The following ROBO1 variants were observed in gnomAD, a reference collection of about 807,000 sequenced individuals.
ROBO1 encodes roundabout homolog 1.
ROBO1 carries 149 observed loss-of-function variants against 195.9 expected under a neutral mutation model. That is an observed-to-expected ratio of 0.76 (90% CI 0.67 to 0.87). The LOEUF (loss-of-function observed/expected upper bound fraction) is 0.87, where lower values mean the gene tolerates loss of function less well. Ranked by LOEUF, ROBO1 falls within the 40% of genes least tolerant of loss-of-function variation. The probability of loss-of-function intolerance (pLI) is 0.00; values close to 1 mark genes in which losing one functional copy is unlikely to be tolerated. For synonymous variants in ROBO1, 816 were observed against 733.2 expected, an observed-to-expected ratio of 1.11 and a Z score of -1.82; for missense variants, 1,933 against 2,068.3, an observed-to-expected ratio of 0.93 and a Z score of 1.27.
At chr3:79,336,461 G>C (rs2034671226) in intron 2 of ROBO1, among the ~76,000 whole-genome samples, 1 of 152,230 alleles carries the variant, frequency 6.6e-6, no homozygotes, top group African/African-American at 2.4e-5. Context: ...CAAACCCCAA[G>C]CCTTGGCAGC....
intron 2 of ROBO1, among the ~76,000 whole-genome samples, chr3:79,475,024 A>G (rs1196011043): frequency 6.6e-6 from 1 of 152,020 alleles, no homozygotes; most frequent in Non-Finnish European, 1.5e-5. Flanking sequence ...CTTATATTTG[A>G]CATCTGAAAT....
intron 1 of ROBO1, among the ~76,000 whole-genome samples, chr3:79,704,139 A>C (rs1947698976): frequency 6.6e-6 from 1 of 151,976 alleles, no homozygotes; most frequent in South Asian, 2.1e-4. Context: ...CCCACTGTAC[A>C]CAGGCATAGC....
At chr3:78,769,005 A>G (rs1044255423) in intron 4 of ROBO1, among the ~76,000 whole-genome samples, 1 of 151,992 alleles carries the variant, frequency 6.6e-6, no homozygotes. Flanking sequence ...GTCTTGGAGA[A>G]TGTTCCATGG....
intron 2 of ROBO1, among the ~76,000 whole-genome samples, chr3:79,243,268 A>C (rs2082556745): frequency 6.6e-6 from 1 of 151,952 alleles, no homozygotes; most frequent in South Asian, 2.1e-4. Flanking sequence ...AGTCTTTGCT[A>C]TTGTGAATAG....
At chr3:79,095,821 T>G (rs2079556594) in intron 3 of ROBO1, among the ~76,000 whole-genome samples, 1 of 152,016 alleles carries the variant, frequency 6.6e-6, no homozygotes, top group Non-Finnish European at 1.5e-5. Context: ...AAATACCACA[T>G]TTTTTCACTT....
chr3:79,519,470 A>T (rs1386828250), intron 2 of ROBO1, among the ~76,000 whole-genome samples: 5 of 151,708 alleles, frequency 3.3e-5, no homozygotes, highest in Non-Finnish European at 7.4e-5. Context: ...CTCTACTAAA[A>T]TACAAAAAAT....
intron 2 of ROBO1, among the ~76,000 whole-genome samples, chr3:79,248,891 G>A (rs1477056837): frequency 6.6e-6 from 1 of 152,122 alleles, no homozygotes; most frequent in Non-Finnish European, 1.5e-5. Context: ...TCCATTCACT[G>A]AGGGTGCAAA....
chr3:79,494,618 C>T (rs1048636621), intron 2 of ROBO1, among the ~76,000 whole-genome samples: 1 of 151,792 alleles, frequency 6.6e-6, no homozygotes, highest in Non-Finnish European at 1.5e-5. Flanking sequence ...CCACATAAAA[C>T]AAATTCAAAA....
chr3:79,417,528 G>A (rs1156847282), intron 2 of ROBO1, among the ~76,000 whole-genome samples: 1 of 152,106 alleles, frequency 6.6e-6, no homozygotes, highest in African/African-American at 2.4e-5. Flanking sequence ...GTTTAAAGCT[G>A]CTGAACTTTG....
At chr3:79,125,908 T>A (rs1259444179) in intron 2 of ROBO1, among the ~76,000 whole-genome samples, 1 of 152,046 alleles carries the variant, frequency 6.6e-6, no homozygotes, top group African/African-American at 2.4e-5. Context: ...ATTGCTAATT[T>A]TCTACCTTAT....
chr3:79,760,236 CAAAAAAAAAAAAAAAAAAAAAA>C (rs11451206), intron 1 of ROBO1, among the ~76,000 whole-genome samples: 74 of 4,528 alleles, frequency 0.016, 6 homozygotes, highest in African/African-American at 0.044. Context: ...GACCCTATCT[CAAAAAAAAAAAAAAAAAAAAAA>C]AAAAAAAAAA....
chr3:78,960,582 C>A (rs2041282569), intron 3 of ROBO1, among the ~76,000 whole-genome samples: 1 of 151,848 alleles, frequency 6.6e-6, no homozygotes, highest in Non-Finnish European at 1.5e-5. Context: ...AGATCGAGAC[C>A]ATCCTGGCTA....
At chr3:79,166,749 A>G (rs1014384385) in intron 2 of ROBO1, among the ~76,000 whole-genome samples, 1 of 151,678 alleles carries the variant, frequency 6.6e-6, no homozygotes, top group Admixed American at 6.6e-5. Flanking sequence ...TTGTATTTTT[A>G]GTAGAGACGG....
chr3:78,850,243 T>C (rs1434643393), intron 4 of ROBO1, among the ~76,000 whole-genome samples: 2 of 152,176 alleles, frequency 1.3e-5, no homozygotes, highest in South Asian at 2.1e-4. Context: ...TGGGATGGCA[T>C]TGAGCATTGT....
intron 4 of ROBO1, among the ~76,000 whole-genome samples, chr3:78,811,934 A>G (rs1559881307): frequency 6.6e-6 from 1 of 152,080 alleles, no homozygotes; most frequent in Non-Finnish European, 1.5e-5. Context: ...GCTAGAGCAT[A>G]ATACATTGCA....
intron 2 of ROBO1, among the ~76,000 whole-genome samples, chr3:79,471,245 G>T (rs1938255187): frequency 6.6e-6 from 1 of 152,064 alleles, no homozygotes; most frequent in Non-Finnish European, 1.5e-5. Context: ...ATTACACTGG[G>T]CAACGATTTT....
chr3:78,939,450 TAAAAAAAA>T (rs772177770), intron 3 of ROBO1, among the ~76,000 whole-genome samples: 1 of 129,142 alleles, frequency 7.7e-6, no homozygotes, highest in Non-Finnish European at 1.7e-5. Context: ...CCGTCTCTAC[TAAAAAAAA>T]AAAAAAAAAA....
chr3:78,712,030 A>C (rs1489194458), intron 8 of ROBO1, among the ~76,000 whole-genome samples: 6 of 141,272 alleles, frequency 4.2e-5, no homozygotes, highest in Admixed American at 6.9e-5. Context: ...AAAAAAAAAA[A>C]AAAAAAAAAA....
chr3:79,354,364 C>A (rs542012940), intron 2 of ROBO1, among the ~76,000 whole-genome samples: 1 of 152,178 alleles, frequency 6.6e-6, no homozygotes, highest in Non-Finnish European at 1.5e-5. Context: ...ATCATCTTAT[C>A]TCAATCAACT....
Sources: gnomAD v4.1 joint callset for allele counts (sites outside exome capture counted in the v4.1 genomes callset) on GRCh38, gnomAD v4.1.1 for gene constraint, MANE v1.5 for transcripts, NCBI Gene and HGNC (gene_info 2026-07-23, HGNC 2026-07-21) for gene names.